Variants in CHGB observed in about 807,000 individuals in gnomAD.
The protein encoded by CHGB is secretogranin-1.
Under a neutral mutation model 69.9 loss-of-function variants are expected in CHGB, and 46 were observed. The observed-to-expected ratio is 0.66, with a 90% CI of 0.52 to 0.84. CHGB has a LOEUF of 0.84. Among genes scored for constraint, CHGB ranks in the 40% least tolerant of loss-of-function variants. The probability of loss-of-function intolerance (pLI) is 0.00; values close to 1 mark genes in which losing one functional copy is unlikely to be tolerated. For synonymous variants in CHGB, 312 were observed against 298.2 expected (o/e 1.05, Z -0.48); for missense variants, 796 against 822.2 (o/e 0.97, Z 0.39).
Position 5,922,492 on chromosome 20 carries a change from A to T in CHGB, c.348A>T (p.Thr116=). The change falls in exon 4 of 5, where the codon ACA becomes ACT. Residue 116 remains threonine (T), a synonymous_variant. Transcript: ENST00000378961. ...GGGAGGAGGACATCCAAGGCCCAAC[A>T]AAGGCAGACACAGAGAAATGGGCAG... ...APGEEDIQGP[T]KADTEKWAEG... is the part of the protein sequence containing the mutation. 2 of 1,613,458 alleles carry T rather than the reference A, an allele frequency of 1.2e-6. No homozygotes were observed. Among genetic ancestry groups the T allele is most frequent in the African/African-American group, 1.3e-5 (1 of 75,014 alleles).
At chr20:5,917,817 G>A (rs1424803450) in intron 3 of CHGB, 3 of 148,102 alleles carry the variant, frequency 2.0e-5, no homozygotes, top group Non-Finnish European at 4.4e-5. Context: ...GGGAACAGTA[G>A]ATTTTATCTT....
chr20:5,920,500 G>C (rs2088507646), intron 3 of CHGB, among the ~76,000 whole-genome samples: 1 of 152,176 alleles, frequency 6.6e-6, no homozygotes, highest in Non-Finnish European at 1.5e-5. Context: ...GTAGATGGCT[G>C]CCTTCTGTCA....
chr20:5,914,751 A>C (rs1410760444), intron 1 of CHGB: 1 of 152,234 alleles, frequency 6.6e-6, no homozygotes, highest in African/African-American at 2.4e-5. Context: ...AAAGTGGGCC[A>C]ACTGGATCTT....
Position 5,923,127 on chromosome 20 carries a change from A to G in CHGB, c.983A>G (p.His328Arg), listed in dbSNP as rs1453172637. 5 of 1,614,146 alleles carry G rather than the reference A, an allele frequency of 3.1e-6. No homozygotes were observed. Among genetic ancestry groups the G allele is most frequent in the Admixed American group, 1.7e-5 (1 of 60,030 alleles). ...AGTTTAGGGGAAAAGAGGGACCACC[A>G]TTCAACCCACTACAGGGCTTCAGAG... ...MASLGEKRDH[H>R]STHYRASEEE... Residue 328 changes from histidine to arginine, a missense_variant, in exon 4 of 5, where the codon CAT (histidine) becomes CGT (arginine). His to Arg is a conservative substitution (Grantham distance 29, BLOSUM62 0). Transcript: ENST00000378961.
chr20:5,911,620 C>A lies in CHGB; in HGVS notation c.-14C>A. Reference sequence around the variant, plus strand: ...GCCATCTTCCTTTCCGCACAGGGGCCGCCGAGCGGGGCCATGCAGCCAACG... The same window carrying A: ...GCCATCTTCCTTTCCGCACAGGGGCAGCCGAGCGGGGCCATGCAGCCAACG... On this transcript the variant is annotated 5_prime_UTR_variant, in exon 1 of 5. Coordinates refer to ENST00000378961, the MANE Select transcript of CHGB (RefSeq NM_001819.3). The A allele has an allele frequency of 1.3e-6, 2 of 1,517,910 alleles. No individual in the cohort carries two copies. Among genetic ancestry groups the A allele is most frequent in the Non-Finnish European group, 1.8e-6 (2 of 1,138,016 alleles). 94.0% of individuals were successfully genotyped at this position (1,517,910 alleles called of 1,614,324 possible). A position where few individuals can be genotyped will look rare whatever the true frequency, so the allele number is the denominator to read the frequency against.
chr20:5,913,207 C>T (rs892069069), intron 1 of CHGB, among the ~76,000 whole-genome samples: 2 of 152,246 alleles, frequency 1.3e-5, no homozygotes, highest in Admixed American at 6.5e-5. Context: ...AAAAATTGAG[C>T]TTAATTTGTA....
At chr20:5,913,233 G>A (rs564596644) in intron 1 of CHGB, among the ~76,000 whole-genome samples, 5 of 152,064 alleles carry the variant, frequency 3.3e-5, no homozygotes, top group East Asian at 1.9e-4. Context: ...TATAATCCAC[G>A]CTTTTAAATT....
At position 5,911,670 on chromosome 20, in the gene CHGB, G is replaced by C. The variant is rs776406882; in HGVS notation, c.37G>C (p.Val13Leu). 6.7e-7 allele frequency: 1 copy of C among 1,488,032 alleles called. No homozygotes were observed. Among genetic ancestry groups the C allele is most frequent in the East Asian group, 2.9e-5 (1 of 34,210 alleles). 92.2% of individuals were successfully genotyped at this position (1,488,032 alleles called of 1,614,324 possible). Residue 13 changes from valine (V) to leucine (L), a missense_variant, in exon 1 of 5, where the codon GTG becomes CTG. Physicochemically the swap from Val to Leu is conservative, Grantham distance 32 (BLOSUM62 1). This residue lies in a region of CHGB where 518 missense variants were observed against 506.3 expected (regional missense o/e 1.02). Transcript: ENST00000378961. The stretch of plus-strand genomic sequence containing the variant: ...GCTGCTTCTCAGCCTCCTGGGAGCC[G>C]TGGGGCTGGCGGGTGAGTGGGCGCG... ...PTLLLSLLGA[V>L]GLAAVNSMPV...
In CHGB at chr20:5,923,367, A is replaced by AGAGG; in HGVS notation, c.1225_1228dup (p.Gly410GlufsTer4). On this transcript the variant is annotated frameshift_variant, in exon 4 of 5. Transcript: ENST00000378961. LOFTEE classifies it high-confidence loss of function. ...GGATATGGTGAAGAAAGTGAGGAAG[A>AGAGG]GAGGGGCCTTGAGCCGGGAAAGGGA... 1 of 1,613,824 alleles carries AGAGG rather than the reference A, an allele frequency of 6.2e-7. No homozygotes were observed. Among genetic ancestry groups the AGAGG allele is most frequent in the Non-Finnish European group, 8.5e-7 (1 of 1,180,002 alleles).
intron 1 of CHGB, among the ~76,000 whole-genome samples, chr20:5,914,106 C>G (rs764557537): frequency 1.3e-5 from 2 of 151,810 alleles, no homozygotes; most frequent in African/African-American, 2.4e-5. Context: ...TTAACACGAG[C>G]AGTAGGTTTT....
At position 5,919,195 on chromosome 20, in the gene CHGB, C is replaced by T. The variant is rs56195503; in HGVS notation, c.190+2276C>T. On this transcript the variant is annotated intron_variant, in intron 3 of 4. Coordinates refer to ENST00000378961, the MANE Select transcript of CHGB (RefSeq NM_001819.3). ...CTTAGGAAAAGTTGCCTATGCCTGCCTGCCAAGATCTTAGCCCTTAGATTA... is the reference window on the plus strand; with the variant it reads ...CTTAGGAAAAGTTGCCTATGCCTGCTTGCCAAGATCTTAGCCCTTAGATTA... Among the ~76,000 whole-genome samples the T allele has an allele frequency of 7.1e-3, 1,083 of 152,336 alleles. 5 individuals carry two copies. Among genetic ancestry groups the T allele is most frequent in the Non-Finnish European group, 0.011 (742 of 68,028 alleles).
At chr20:5,913,527 T>C (rs947525642) in intron 1 of CHGB, among the ~76,000 whole-genome samples, 3 of 152,156 alleles carry the variant, frequency 2.0e-5, no homozygotes, top group Non-Finnish European at 2.9e-5. Context: ...TGGAAGCTAT[T>C]GTGCACTCTA....
chr20:5,913,565 T>C (rs1223547557), intron 1 of CHGB, among the ~76,000 whole-genome samples: 1 of 152,060 alleles, frequency 6.6e-6, no homozygotes, highest in African/African-American at 2.4e-5. Context: ...AGTAGTAAAA[T>C]GATATCCATA....
At position 5,916,362 on chromosome 20, in the gene CHGB, A is replaced by G. The variant is rs778416960; in HGVS notation, c.86A>G (p.Asn29Ser). ...ATGCCAGTGGATAACAGGAACCACA[A>G]TGAAGGAATGGTAAGTTGCAATGTC... is the stretch of plus-strand genomic sequence containing the variant. ...NSMPVDNRNH[N>S]EGMVTRCIIE... The change falls in exon 2 of 5, where the codon AAT becomes AGT. Residue 29 changes from asparagine (N) to serine (S), a missense_variant. Asn to Ser is a conservative substitution (Grantham distance 46). Around this residue, in one of 3 missense-constraint regions of CHGB, gnomAD observed 518 missense variants for 506.3 expected, o/e 1.02. Coordinates refer to ENST00000378961, the MANE Select transcript of CHGB (RefSeq NM_001819.3). 33 of 1,612,916 alleles carry G rather than the reference A, an allele frequency of 2.0e-5. No homozygotes were observed. In the Admixed American group the frequency reaches 2.8e-4, roughly 14 times the overall value.
At chr20:5,918,894 A>G (rs1414056193) in intron 3 of CHGB, among the ~76,000 whole-genome samples, 1 of 146,906 alleles carries the variant, frequency 6.8e-6, no homozygotes, top group Non-Finnish European at 1.5e-5. Flanking sequence ...TAACAATGGT[A>G]GCTGTGGGGG....
chr20:5,916,848 T>A lies in CHGB; in HGVS notation c.119T>A (p.Val40Asp), dbSNP rs1568549935. 6.2e-7 allele frequency: 1 copy of A among 1,614,122 alleles called. No individual in the cohort carries two copies. The highest frequency in any genetic ancestry group is 8.5e-7 in the Non-Finnish European group (1 of 1,180,040). Residue 40 changes from valine (V) to aspartate (D), a missense_variant, in exon 3 of 5, where the codon GTC (valine) becomes GAC (aspartate). Physicochemically the swap from Val to Asp is radical, Grantham distance 152. Coordinates refer to ENST00000378961, the MANE Select transcript of CHGB (RefSeq NM_001819.3). ...EGMVTRCIIE[V>D]LSNALSKSSA... ...CAGGTGACTCGCTGCATCATTGAGG[T>A]CCTCTCAAATGCCTTGTCGAAGTCC...
chr20:5,923,734 G>T lies in CHGB; in HGVS notation c.1590G>T (p.Gln530His). The change falls in exon 4 of 5, where the codon CAG (glutamine) becomes CAT (histidine). Residue 530 changes from glutamine (Q) to histidine (H), a missense_variant. Transcript: ENST00000378961. ...TCAACCCATACTACGACCCTCTCCAGTGGAAGAGCAGCCATTTTGAAAGAA... is the reference window on the plus strand; with the variant it reads ...TCAACCCATACTACGACCCTCTCCATTGGAAGAGCAGCCATTTTGAAAGAA... ...ELFNPYYDPL[Q>H]WKSSHFERRD... 3 of 1,614,234 alleles carry T rather than the reference G, an allele frequency of 1.9e-6. No individual in the cohort carries two copies. Among genetic ancestry groups the T allele is most frequent in the Middle Eastern group, 3.3e-4 (2 of 6,062 alleles).
At position 5,922,559 on chromosome 20, in the gene CHGB, T is replaced by G; in HGVS notation, c.415T>G (p.Trp139Gly). The change falls in exon 4 of 5, where the codon TGG becomes GGG. Residue 139 changes from tryptophan to glycine, a missense_variant. By Grantham distance (184) the Trp-to-Gly change is radical. Transcript: ENST00000378961. ...HSRERADEPQ[W>G]SLYPSDSQVS... ...CCGAGAGCGAGCGGATGAGCCCCAGTGGAGCCTCTATCCCTCCGACAGCCA... is the reference window on the plus strand; with the variant it reads ...CCGAGAGCGAGCGGATGAGCCCCAGGGGAGCCTCTATCCCTCCGACAGCCA... 1 of 1,613,010 alleles carries G rather than the reference T, an allele frequency of 6.2e-7. No homozygotes were observed. Among genetic ancestry groups the G allele is most frequent in the Non-Finnish European group, 8.5e-7 (1 of 1,179,598 alleles).
chr20:5,917,064 G>C, intron 3 of CHGB, 145 bp downstream of exon 3: 1 of 732,004 alleles, frequency 1.4e-6, no homozygotes, highest in African/African-American at 1.7e-5. Flanking sequence ...CCAGTATCTG[G>C]GAGACAGAAG....
Sources: allele counts gnomAD v4.1 joint callset (sites outside exome capture counted in the v4.1 genomes callset), GRCh38; gene constraint gnomAD v4.1.1; regional missense constraint gnomAD v4.1.1; transcripts MANE v1.5; gene names NCBI Gene and HGNC (gene_info 2026-07-23, HGNC 2026-07-21).